The following FAM149A variants were observed in gnomAD, a reference collection of about 807,000 sequenced individuals.
The protein encoded by FAM149A is protein FAM149A.
Under a neutral mutation model 78.2 loss-of-function variants are expected in FAM149A, and 71 were observed. The observed-to-expected ratio is 0.91, with a 90% CI of 0.75 to 1.11. FAM149A has a LOEUF of 1.11. Ranked by LOEUF, FAM149A falls within the 50% of genes least tolerant of loss-of-function variation. FAM149A has a pLI of 0.00. For synonymous variants in FAM149A, 446 were observed against 410.5 expected, an observed-to-expected ratio of 1.09 and a Z score of -1.04; for missense variants, 1,036 against 971.0, an observed-to-expected ratio of 1.07 and a Z score of -0.89.
intron 1 of FAM149A, among the ~76,000 whole-genome samples, chr4:186,106,522 A>G (rs571296445): frequency 6.6e-6 from 1 of 152,328 alleles, no homozygotes; most frequent in East Asian, 1.9e-4. Context: ...AGGTTTCTGC[A>G]TTGTAATCTA....
intron 1 of FAM149A, chr4:186,126,222 AC>A: frequency 2.4e-6 from 1 of 413,450 alleles, no homozygotes; most frequent in Non-Finnish European, 3.3e-6. Flanking sequence ...ACCTTGACAT[AC>A]TTGCCCTTTC....
chr4:186,150,723 CTCTCT>C (rs1733498615), intron 3 of FAM149A, among the ~76,000 whole-genome samples: 1 of 57,966 alleles, frequency 1.7e-5, no homozygotes, highest in South Asian at 7.2e-4. Flanking sequence ...CCGGCCTTTT[CTCTCT>C]TTTTTTTTTT....
intron 1 of FAM149A, among the ~76,000 whole-genome samples, chr4:186,137,423 A>G (rs2099323909): frequency 6.6e-6 from 1 of 152,046 alleles, no homozygotes; most frequent in Admixed American, 6.5e-5. Flanking sequence ...GCATGGTATG[A>G]TATGTGCATG....
Position 186,167,027 on chromosome 4 carries a change from A to G in FAM149A, c.2070A>G (p.Arg690=). 2 of 1,614,186 alleles carry G rather than the reference A, an allele frequency of 1.2e-6. No individual in the cohort carries two copies. The highest frequency in any genetic ancestry group is 1.7e-6 in the Non-Finnish European group (2 of 1,180,016). The change falls in exon 12 of 14, where the codon CGA becomes CGG. Residue 690 remains arginine (R), a synonymous_variant. Coordinates refer to ENST00000389354, the MANE Select transcript of FAM149A (RefSeq NM_001367768.3). ...GTGCCATGCCTGACGGTACAGAACG[A>G]TCGCGTCTTCGAGAAAGAACAGCCA...
chr4:186,163,730 C>T (rs1734797981), intron 10 of FAM149A, 97 bp downstream of exon 10: 2 of 867,634 alleles, frequency 2.3e-6, no homozygotes, highest in Non-Finnish European at 3.7e-6. Flanking sequence ...AGCATCCCTA[C>T]CTAGTTTTAC....
rs1035045578 is a variant in FAM149A at position 186,149,239 on chromosome 4, G to A, written c.633G>A (p.Thr211=). 4 of 1,289,040 alleles carry A rather than the reference G, an allele frequency of 3.1e-6. No homozygotes were observed. The highest frequency in any genetic ancestry group is 3.0e-5 in the African/African-American group (2 of 65,796). The allele number at this position is 1,289,040 out of a possible 1,614,324, so 79.9% of individuals were successfully genotyped here. Reference sequence around the variant, plus strand: ...TGAGGAGCAAAGATTCTTTACCTACGCATTTTACAAGAAATGTGCAGAAAG... The same window carrying A: ...TGAGGAGCAAAGATTCTTTACCTACACATTTTACAAGAAATGTGCAGAAAG... The change falls in exon 2 of 14, where the codon ACG becomes ACA. Residue 211 remains threonine (T), a synonymous_variant. Coordinates refer to ENST00000389354, the MANE Select transcript of FAM149A (RefSeq NM_001367768.3).
At chr4:186,169,382 C>G (rs1017385399) in intron 13 of FAM149A, 8 of 985,280 alleles carry the variant, frequency 8.1e-6, no homozygotes, top group Non-Finnish European at 8.4e-6. Context: ...TGCAATGAGG[C>G]GCGTGCCCCA....
rs1486913697 is a variant in FAM149A, at chr4:186,136,956, CTCTCTCTTTCTCTCTCTCTT to C, written c.567-12209_567-12190del. Among the ~76,000 whole-genome samples the C allele has an allele frequency of 1.4e-3, 149 of 105,698 alleles. 6 individuals carry two copies. The highest frequency in any genetic ancestry group is 2.9e-3 in the African/African-American group (68 of 23,476). 69.3% of individuals were successfully genotyped at this position (105,698 alleles called of 152,430 possible). A position where few individuals can be genotyped will look rare whatever the true frequency, so the allele number is the denominator to read the frequency against. On this transcript the variant is annotated intron_variant, in intron 1 of 13. Coordinates refer to ENST00000389354, the MANE Select transcript of FAM149A (RefSeq NM_001367768.3). ...GATTGATCTCTCTCTCTCTCTCTCT[CTCTCTCTTTCTCTCTCTCTT>C]TCTCTCTCTCTCTCTCTCTCTCTCT... is the stretch of plus-strand genomic sequence containing the variant.
chr4:186,106,250 A>G (rs1380190284), intron 1 of FAM149A, among the ~76,000 whole-genome samples: 1 of 152,188 alleles, frequency 6.6e-6, no homozygotes, highest in Non-Finnish European at 1.5e-5. Flanking sequence ...GTCACTGCAG[A>G]AACGTTGACT....
chr4:186,126,191 C>T (rs539497251), intron 1 of FAM149A: 39 of 694,586 alleles, frequency 5.6e-5, no homozygotes, highest in South Asian at 6.4e-5. Flanking sequence ...GTAAGCCTCG[C>T]GCCTTGTTAC....
intron 8 of FAM149A, chr4:186,158,591 G>A (rs2126503787): frequency 4.4e-6 from 1 of 226,614 alleles, no homozygotes; most frequent in Non-Finnish European, 6.3e-6. Context: ...TGCCTGCTGA[G>A]CATTGCCGCC....
At position 186,145,036 on chromosome 4, in the gene FAM149A, T is replaced by C. The variant is rs1465974781; in HGVS notation, c.567-4137T>C. The C allele has an allele frequency of 8.2e-6, 8 of 981,544 alleles. No individual in the cohort carries two copies. The South Asian group carries it at 2.8e-4, about 35-fold the overall frequency. 60.8% of individuals were successfully genotyped at this position (981,544 alleles called of 1,614,324 possible). A position where few individuals can be genotyped will look rare whatever the true frequency, so the allele number is the denominator to read the frequency against. On this transcript the variant is annotated intron_variant, in intron 1 of 13. Transcript: ENST00000389354. Reference sequence around the variant, plus strand: ...GCGTGGGGCCCGCGCGCGGTGCCTCTGCCTGACGGTGCCCGAGCCTAGCGC... The same window carrying C: ...GCGTGGGGCCCGCGCGCGGTGCCTCCGCCTGACGGTGCCCGAGCCTAGCGC...
chr4:186,150,539 C>T (rs1733449086), intron 3 of FAM149A, among the ~76,000 whole-genome samples: 1 of 134,814 alleles, frequency 7.4e-6, no homozygotes, highest in East Asian at 2.1e-4. Flanking sequence ...CCTGCCTCAG[C>T]CTCCCGAGTA....
intron 1 of FAM149A, chr4:186,126,107 C>T (rs533058448): frequency 3.0e-6 from 3 of 985,024 alleles, no homozygotes; most frequent in African/African-American, 3.5e-5. Context: ...AAATTATTTC[C>T]ACAAAATGAA....
intron 1 of FAM149A, chr4:186,109,755 G>GA (rs998044479): frequency 7.1e-6 from 7 of 981,558 alleles, no homozygotes; most frequent in South Asian, 9.4e-5. Flanking sequence ...TCTAGGTGAA[G>GA]AAAAAACAGA....
Position 186,128,972 on chromosome 4 carries a change from T to C in FAM149A, c.567-20201T>C, listed in dbSNP as rs530318897. Reference sequence around the variant, plus strand: ...CTATGAGTATCTGTGTATGTGTGTCTTTTTTGGTGTGTGTGTGTCCACGTA... The same window carrying C: ...CTATGAGTATCTGTGTATGTGTGTCCTTTTTGGTGTGTGTGTGTCCACGTA... On this transcript the variant is annotated intron_variant, in intron 1 of 13. Transcript: ENST00000389354. 2.6e-5 allele frequency among the ~76,000 whole-genome samples: 4 copies of C among 152,066 alleles called. No individual in the cohort carries two copies. In the East Asian group the frequency reaches 7.7e-4, roughly 29 times the overall value.
At chr4:186,161,858 C>T (rs1317643809) in intron 8 of FAM149A, among the ~76,000 whole-genome samples, 1 of 152,146 alleles carries the variant, frequency 6.6e-6, no homozygotes, top group Non-Finnish European at 1.5e-5. Context: ...AACAGAATTC[C>T]AGTCCCAGAA....
intron 1 of FAM149A, chr4:186,123,812 C>G: frequency 2.0e-6 from 2 of 982,944 alleles, no homozygotes; most frequent in Non-Finnish European, 2.4e-6. Flanking sequence ...AAATCCCAGA[C>G]CCTTCACGGT....
chr4:186,140,514 A>T (rs573348174), intron 1 of FAM149A, among the ~76,000 whole-genome samples: 4 of 138,550 alleles, frequency 2.9e-5, no homozygotes, highest in Admixed American at 8.1e-5. Context: ...TGAACTCCTG[A>T]GCTCAAGAGA....
Sources: gnomAD v4.1 joint callset for allele counts (sites outside exome capture counted in the v4.1 genomes callset) on GRCh38, gnomAD v4.1.1 for gene constraint, MANE v1.5 for transcripts, NCBI Gene and HGNC (gene_info 2026-07-23, HGNC 2026-07-21) for gene names.